Variants in RMND5A observed in about 807,000 individuals in gnomAD.
The protein encoded by RMND5A is required for meiotic nuclear division 5 homolog A, also known as E3 ubiquitin-protein transferase RMND5A.
RMND5A carries 17 observed loss-of-function variants against 49.7 expected under a neutral mutation model. The ratio of observed to expected loss-of-function variants is 0.34; its 90% CI spans 0.23 to 0.51. The LOEUF (loss-of-function observed/expected upper bound fraction) is 0.51, where lower values mean the gene tolerates loss of function less well. RMND5A is among the 20% of genes least tolerant of loss of function. The probability of loss-of-function intolerance (pLI) is 0.96; values close to 1 mark genes in which losing one functional copy is unlikely to be tolerated. For missense variants in RMND5A, 255 were observed against 471.3 expected (o/e 0.54, Z 4.25); for synonymous variants, 156 against 167.7 (o/e 0.93, Z 0.54).
intron 4 of RMND5A, among the ~76,000 whole-genome samples, chr2:86,755,690 T>C (rs1049747842): frequency 2.6e-5 from 4 of 152,226 alleles, no homozygotes; most frequent in African/African-American, 9.7e-5. Flanking sequence ...ATATAAGATA[T>C]GTTTCTTATT....
intron 6 of RMND5A, 50 bp downstream of exon 6, chr2:86,766,074 C>T (rs994423989): frequency 6.9e-7 from 1 of 1,454,692 alleles, no homozygotes; most frequent in East Asian, 2.4e-5. Context: ...GCATTATCAC[C>T]TTCCCTTAAC....
rs1246037950 is a variant in RMND5A at position 86,755,603 on chromosome 2, T to G, written c.521+2045T>G. Among the ~76,000 whole-genome samples, 5 of 152,376 alleles carry G rather than the reference T, an allele frequency of 3.3e-5. No individual in the cohort carries two copies. The South Asian group carries it at 1.0e-3, about 32-fold the overall frequency. On this transcript the variant is annotated intron_variant, in intron 4 of 8. Transcript: ENST00000283632. ...GTACTATGACTATATCTGTAGTCAC[T>G]GGCACATAGTATTTGCTACCTTAGC... is the stretch of plus-strand genomic sequence containing the variant.
At position 86,765,743 on chromosome 2, in the gene RMND5A, TA is replaced by T. The variant is rs1458779559; in HGVS notation, c.689-112del. On this transcript the variant is annotated intron_variant, in intron 5 of 8. Transcript: ENST00000283632. Reference sequence around the variant, plus strand: ...AAACCAAGCTTAAGGACCAGAATTTTAAAAGACCTGTTAATACATTATTTTA... The same window carrying T: ...AAACCAAGCTTAAGGACCAGAATTTTAAAGACCTGTTAATACATTATTTTA... 6 of 857,016 alleles carry T rather than the reference TA, an allele frequency of 7.0e-6. No homozygotes were observed. The Admixed American group carries it at 1.8e-4, about 26-fold the overall frequency. 53.1% of individuals were successfully genotyped at this position (857,016 alleles called of 1,614,324 possible). A position where few individuals can be genotyped will look rare whatever the true frequency, so the allele number is the denominator to read the frequency against.
rs1013055364 is a variant in RMND5A at position 86,776,376 on chromosome 2, G to A, written c.*2965G>A. 3.9e-5 allele frequency: 6 copies of A among 152,306 alleles called. No individual in the cohort carries two copies. The highest frequency in any genetic ancestry group is 3.9e-4 in the Admixed American group (6 of 15,298). The allele number at this position is 152,306 out of a possible 1,614,324, so 9.4% of individuals were successfully genotyped here. On this transcript the variant is annotated 3_prime_UTR_variant, in exon 9 of 9. Coordinates refer to ENST00000283632, the MANE Select transcript of RMND5A (RefSeq NM_022780.4). ...TTCATAGGGTGTGTATTTTTTGAGT[G>A]TGAGCATTTAATTGAAAATAAGAAA...
Position 86,765,964 on chromosome 2 carries a change from T to C in RMND5A, c.794T>C (p.Ile265Thr). 6.2e-7 allele frequency: 1 copy of C among 1,614,186 alleles called. No homozygotes were observed. The highest frequency in any genetic ancestry group is 8.5e-7 in the Non-Finnish European group (1 of 1,180,036). The change falls in exon 6 of 9, where the codon ATC becomes ACC. Residue 265 changes from isoleucine (I) to threonine (T), a missense_variant. By Grantham distance (89) the Ile-to-Thr change is moderately conservative. Around this residue, in one of 3 missense-constraint regions of RMND5A, gnomAD observed 208 missense variants for 339.8 expected, o/e 0.61. Transcript: ENST00000283632. Reference protein sequence around the residue: ...DANQWADICDIFTRDACALLG... With the variant: ...DANQWADICDTFTRDACALLG... ...AACCAGTGGGCTGATATCTGTGACA[T>C]CTTTACACGGGATGCTTGTGCCCTC...
chr2:86,753,478 C>A lies in RMND5A; in HGVS notation c.441C>A (p.Asp147Glu), dbSNP rs1472386915. The change falls in exon 4 of 9, where the codon GAC (aspartate) becomes GAA (glutamate). Residue 147 changes from aspartate (D) to glutamate (E), a missense_variant. Coordinates refer to ENST00000283632, the MANE Select transcript of RMND5A (RefSeq NM_022780.4). ...TCCAGGAATCTGGTCTTTCTGTAGACCCAAGTCAGAAGGAACCATTTGTGG... is the reference window on the plus strand; with the variant it reads ...TCCAGGAATCTGGTCTTTCTGTAGAACCAAGTCAGAAGGAACCATTTGTGG... ...ELCQESGLSV[D>E]PSQKEPFVEL... 4 of 1,608,854 alleles carry A rather than the reference C, an allele frequency of 2.5e-6. No homozygotes were observed. In the African/African-American group the frequency reaches 4.0e-5, roughly 16 times the overall value.
intron 6 of RMND5A, among the ~76,000 whole-genome samples, chr2:86,769,751 A>G (rs1672659327): frequency 6.6e-6 from 1 of 151,806 alleles, no homozygotes; most frequent in Non-Finnish European, 1.5e-5. Context: ...TAGAAAATTT[A>G]GAGTTTTATT....
intron 3 of RMND5A, among the ~76,000 whole-genome samples, chr2:86,753,236 A>T (rs572106628): frequency 6.6e-6 from 1 of 152,196 alleles, no homozygotes; most frequent in Non-Finnish European, 1.5e-5. Flanking sequence ...TTACAAAGCC[A>T]TACCCAGCTT....
At chr2:86,732,129 C>T (rs1261372102) in intron 1 of RMND5A, among the ~76,000 whole-genome samples, 6 of 103,240 alleles carry the variant, frequency 5.8e-5, no homozygotes, top group African/African-American at 5.4e-5. Context: ...GTGTTTGACT[C>T]GTGGGCAGCA....
chr2:86,765,625 G>A (rs1258400610), intron 5 of RMND5A: 1 of 485,134 alleles, frequency 2.1e-6, no homozygotes, highest in Admixed American at 3.6e-5. Flanking sequence ...ATACTATGCT[G>A]TAGAGAAGAA....
intron 8 of RMND5A, among the ~76,000 whole-genome samples, chr2:86,772,484 CAAAAA>C (rs1000193952): frequency 6.6e-6 from 1 of 151,564 alleles, no homozygotes; most frequent in South Asian, 2.1e-4. Flanking sequence ...CAAAACAAAA[CAAAAA>C]AACATAGTGC....
At chr2:86,745,188 C>T (rs1217590656) in intron 2 of RMND5A, among the ~76,000 whole-genome samples, 2 of 152,082 alleles carry the variant, frequency 1.3e-5, no homozygotes, top group African/African-American at 4.8e-5. Context: ...CTTTAGACTT[C>T]TAGGTATGTG....
At chr2:86,743,100 G>A in intron 2 of RMND5A, among the ~76,000 whole-genome samples, 1 of 152,100 alleles carries the variant, frequency 6.6e-6, no homozygotes, top group South Asian at 2.1e-4. Flanking sequence ...TGCTCCTGGT[G>A]CCTGGCTGAG....
At position 86,776,228 on chromosome 2, in the gene RMND5A, C is replaced by T. The variant is rs1049855604; in HGVS notation, c.*2817C>T. The T allele has an allele frequency of 3.3e-5, 5 of 152,138 alleles. No homozygotes were observed. Among genetic ancestry groups the T allele is most frequent in the African/African-American group, 4.8e-5 (2 of 41,428 alleles). The allele number at this position is 152,138 out of a possible 1,614,324, so 9.4% of individuals were successfully genotyped here. A position where few individuals can be genotyped will look rare whatever the true frequency, so the allele number is the denominator to read the frequency against. Reference sequence around the variant, plus strand: ...AGGTTGTCTCTTGATCTTTTTTCTCCGTTGTGTGATCACAGATGCTATTTC... The same window carrying T: ...AGGTTGTCTCTTGATCTTTTTTCTCTGTTGTGTGATCACAGATGCTATTTC... On this transcript the variant is annotated 3_prime_UTR_variant, in exon 9 of 9. Coordinates refer to ENST00000283632, the MANE Select transcript of RMND5A (RefSeq NM_022780.4).
At chr2:86,747,803 C>T (rs1054114642) in intron 2 of RMND5A, among the ~76,000 whole-genome samples, 11 of 152,118 alleles carry the variant, frequency 7.2e-5, no homozygotes. Context: ...ATTCATGATA[C>T]GGCATGATAC....
intron 4 of RMND5A, among the ~76,000 whole-genome samples, chr2:86,760,183 T>G (rs545704939): frequency 2.2e-4 from 34 of 152,222 alleles, no homozygotes; most frequent in Non-Finnish European, 4.0e-4. Context: ...TAGCTGGGAT[T>G]ACAGGCATGC....
intron 2 of RMND5A, among the ~76,000 whole-genome samples, chr2:86,745,031 A>G (rs994760715): frequency 1.3e-5 from 2 of 151,818 alleles, no homozygotes; most frequent in African/African-American, 4.8e-5. Flanking sequence ...TAGTAAAAAT[A>G]ATGTATTTGG....
chr2:86,760,106 G>A (rs751412386), intron 4 of RMND5A, among the ~76,000 whole-genome samples: 31 of 151,784 alleles, frequency 2.0e-4, no homozygotes, highest in Admixed American at 4.6e-4. Context: ...GTGCAATGGC[G>A]CAATCTTGGC....
intron 6 of RMND5A, among the ~76,000 whole-genome samples, chr2:86,767,425 C>CTTTTTTTTTTTTTTTTTTTTTTT (rs11468234): frequency 7.2e-6 from 1 of 139,520 alleles, no homozygotes; most frequent in Non-Finnish European, 1.6e-5. Context: ...TTTTGGCAGT[C>CTTTTTTTTTTTTTTTTTTTTTTT]TTTTTTTTTT....
Sources: gnomAD v4.1 joint callset for allele counts (sites outside exome capture counted in the v4.1 genomes callset) on GRCh38, gnomAD v4.1.1 for gene constraint, gnomAD v4.1.1 regional missense constraint, MANE v1.5 for transcripts, NCBI Gene and HGNC (gene_info 2026-07-23, HGNC 2026-07-21) for gene names.